GPC5: variants seen among roughly 807,000 people sequenced by gnomAD.
The protein encoded by GPC5 is glypican 5.
A neutral mutation model predicts 53.9 loss-of-function variants in GPC5; 47 were observed. The ratio of observed to expected loss-of-function variants is 0.87; its 90% confidence interval spans 0.69 to 1.11. The LOEUF (loss-of-function observed/expected upper bound fraction) is 1.11. Among genes scored for constraint, GPC5 ranks in the 50% most tolerant of loss-of-function variants. GPC5 has a pLI of 0.00. For missense variants in GPC5, 748 were observed against 713.1 expected, an observed-to-expected ratio of 1.05 and a Z score of -0.56; for synonymous variants, 286 against 263.3, an observed-to-expected ratio of 1.09 and a Z score of -0.84.
intron 7 of GPC5, among the ~76,000 whole-genome samples, chr13:92,655,565 C>T (rs1594387684): frequency 6.6e-6 from 1 of 152,114 alleles, no homozygotes; most frequent in East Asian, 1.9e-4. Context: ...GAACTCCTGA[C>T]CTCTGGTGAT....
At chr13:91,927,140 A>T (rs187184783) in intron 6 of GPC5, among the ~76,000 whole-genome samples, 3 of 152,344 alleles carry the variant, frequency 2.0e-5, no homozygotes, top group Admixed American at 2.0e-4. Flanking sequence ...AAATCAAACT[A>T]AATTACTAAT....
intron 7 of GPC5, among the ~76,000 whole-genome samples, chr13:92,775,891 A>C (rs1875786598): frequency 6.6e-6 from 1 of 152,198 alleles, no homozygotes; most frequent in Non-Finnish European, 1.5e-5. Flanking sequence ...TGAAATCTTC[A>C]TTCACCACAA....
chr13:92,654,078 T>C (rs1313726655), intron 7 of GPC5, among the ~76,000 whole-genome samples: 4 of 152,226 alleles, frequency 2.6e-5, no homozygotes, highest in African/African-American at 9.6e-5. Flanking sequence ...GTTGAATGTT[T>C]CGGTCCATTC....
At chr13:92,325,736 G>T (rs1458126148) in intron 7 of GPC5, among the ~76,000 whole-genome samples, 1 of 152,052 alleles carries the variant, frequency 6.6e-6, no homozygotes, top group Admixed American at 6.6e-5. Flanking sequence ...TATGCTGAGT[G>T]AAAGGAGTTG....
At chr13:91,932,473 A>G (rs1477297826) in intron 6 of GPC5, among the ~76,000 whole-genome samples, 2 of 152,096 alleles carry the variant, frequency 1.3e-5, no homozygotes, top group Non-Finnish European at 2.9e-5. Context: ...TGAAATCTTC[A>G]GCTGCCTGTT....
intron 7 of GPC5, among the ~76,000 whole-genome samples, chr13:92,151,831 C>T (rs2041909505): frequency 6.6e-6 from 1 of 151,990 alleles, no homozygotes; most frequent in South Asian, 2.1e-4. Context: ...TTTATGTGAG[C>T]TCAGAGAAAG....
At chr13:92,838,302 G>T (rs1878290583) in intron 7 of GPC5, among the ~76,000 whole-genome samples, 1 of 150,888 alleles carries the variant, frequency 6.6e-6, no homozygotes, top group East Asian at 2.0e-4. Context: ...GGCTAACACC[G>T]TGAAACCCCG....
At chr13:92,405,527 T>C (rs1420124477) in intron 7 of GPC5, among the ~76,000 whole-genome samples, 2 of 152,246 alleles carry the variant, frequency 1.3e-5, no homozygotes, top group Non-Finnish European at 2.9e-5. Context: ...ATTCAAAATT[T>C]TCACATTCTT....
chr13:91,450,266 A>G (rs1298410466), intron 2 of GPC5, among the ~76,000 whole-genome samples: 1 of 152,180 alleles, frequency 6.6e-6, no homozygotes, highest in Non-Finnish European at 1.5e-5. Flanking sequence ...TTACTGATAT[A>G]CATTTTAAAC....
intron 2 of GPC5, among the ~76,000 whole-genome samples, chr13:91,538,827 C>T (rs1886712308): frequency 7.0e-6 from 1 of 143,700 alleles, no homozygotes; most frequent in African/African-American, 2.6e-5. Context: ...CATGGTCCAC[C>T]CCGCCCCCCC....
At chr13:92,384,292 C>T (rs891867311) in intron 7 of GPC5, among the ~76,000 whole-genome samples, 3 of 152,092 alleles carry the variant, frequency 2.0e-5, no homozygotes, top group Non-Finnish European at 4.4e-5. Flanking sequence ...TCAATCCCAT[C>T]TTCCTGCTGC....
At chr13:91,805,811 T>G (rs1267848519) in intron 5 of GPC5, among the ~76,000 whole-genome samples, 1 of 152,140 alleles carries the variant, frequency 6.6e-6, no homozygotes, top group Non-Finnish European at 1.5e-5. Flanking sequence ...GGATGGCTTT[T>G]GTACACTAGG....
intron 2 of GPC5, among the ~76,000 whole-genome samples, chr13:91,541,015 G>T (rs1456357783): frequency 1.3e-5 from 2 of 151,974 alleles, no homozygotes; most frequent in African/African-American, 4.8e-5. Context: ...ATTTTAAAAT[G>T]GTGAATTCCA....
chr13:91,793,564 T>C (rs973154738), intron 5 of GPC5, among the ~76,000 whole-genome samples: 1 of 152,152 alleles, frequency 6.6e-6, no homozygotes, highest in Admixed American at 6.5e-5. Context: ...GCATAGCACA[T>C]TTAAAATAAA....
intron 7 of GPC5, among the ~76,000 whole-genome samples, chr13:92,245,062 A>G (rs1289365122): frequency 6.6e-6 from 1 of 150,588 alleles, no homozygotes; most frequent in Non-Finnish European, 1.5e-5. Context: ...AAACTTGCAC[A>G]TTGTCCTTCT....
intron 7 of GPC5, among the ~76,000 whole-genome samples, chr13:92,314,146 C>T (rs1042550682): frequency 3.3e-5 from 5 of 152,034 alleles, no homozygotes; most frequent in East Asian, 1.9e-4. Flanking sequence ...CTATTTTTTT[C>T]GCCCAAACAT....
chr13:92,043,368 A>G (rs1307834935), intron 6 of GPC5, among the ~76,000 whole-genome samples: 1 of 152,160 alleles, frequency 6.6e-6, no homozygotes, highest in African/African-American at 2.4e-5. Context: ...AGCTTGTTTA[A>G]ACCAGGGGTG....
chr13:91,824,986 G>A (rs1299682576), intron 5 of GPC5, among the ~76,000 whole-genome samples: 2 of 152,030 alleles, frequency 1.3e-5, no homozygotes, highest in Non-Finnish European at 2.9e-5. Context: ...TGGTTATGCA[G>A]AAATGAAAAC....
intron 7 of GPC5, among the ~76,000 whole-genome samples, chr13:92,246,250 T>C (rs563734761): frequency 6.6e-6 from 1 of 152,304 alleles, no homozygotes; most frequent in Admixed American, 6.5e-5. Context: ...TTTATATCCA[T>C]TGGTGTGTTG....
Sources: gnomAD v4.1 joint callset for allele counts (sites outside exome capture counted in the v4.1 genomes callset) on GRCh38, gnomAD v4.1.1 for gene constraint, MANE v1.5 for transcripts, NCBI Gene and HGNC (gene_info 2026-07-23, HGNC 2026-07-21) for gene names.